The following CRYZL1 variants were observed in gnomAD, a reference collection of about 807,000 sequenced individuals.
The protein encoded by CRYZL1 is ferry endosomal RAB5 effector complex subunit 4.
CRYZL1 carries 34 observed loss-of-function variants against 50.6 expected under a neutral mutation model. The ratio of observed to expected loss-of-function variants is 0.67; its 90% CI spans 0.51 to 0.89. The LOEUF is 0.89. Among genes scored for constraint, CRYZL1 ranks in the 40% least tolerant of loss-of-function variants. The probability of loss-of-function intolerance (pLI) is 0.00; values close to 1 mark genes in which losing one functional copy is unlikely to be tolerated. For missense variants in CRYZL1, 354 were observed against 402.3 expected (o/e 0.88, Z 1.03); for synonymous variants, 125 against 134.3 (o/e 0.93, Z 0.48).
In CRYZL1 at chr21:33,605,530, C is replaced by CTTTTTTTTTTTTTTTT. The variant is rs146096008; in HGVS notation, c.332-1994_332-1993insAAAAAAAAAAAAAAAA. 2.8e-3 allele frequency among the ~76,000 whole-genome samples: 147 copies of CTTTTTTTTTTTTTTTT among 53,194 alleles called. 57 individuals carry two copies. Among genetic ancestry groups the CTTTTTTTTTTTTTTTT allele is most frequent in the African/African-American group, 7.8e-3 (96 of 12,348 alleles). 34.9% of individuals were successfully genotyped at this position (53,194 alleles called of 152,430 possible). On this transcript the variant is annotated intron_variant, in intron 6 of 12. Coordinates refer to ENST00000381554, the MANE Select transcript of CRYZL1 (RefSeq NM_145858.3). ...GTAATTTTTCCGCAGTACAAGAATT[C>CTTTTTTTTTTTTTTTT]TTTTTTTTTTGAGATGGAGTCTCAC...
In CRYZL1 at chr21:33,603,515, T is replaced by C. The variant is rs748484256; in HGVS notation, c.354A>G (p.Thr118=). Residue 118 remains threonine (T), a synonymous_variant, in exon 7 of 13, where the codon ACA becomes ACG. Coordinates refer to ENST00000381554, the MANE Select transcript of CRYZL1 (RefSeq NM_145858.3). ...GAATGCTTCCTGCTGCTTCCGTCCA[T>C]GTGACCTTTTCTGGTTTATGAACTA... The part of the protein sequence containing the change: ...HYLVHKPEKV[T]WTEAAGSIRD... The C allele has an allele frequency of 5.0e-6, 8 of 1,614,022 alleles. No individual in the cohort carries two copies. Among genetic ancestry groups the C allele is most frequent in the Admixed American group, 3.3e-5 (2 of 59,990 alleles).
At chr21:33,614,528 T>C (rs1204872200) in intron 5 of CRYZL1, among the ~76,000 whole-genome samples, 3 of 152,132 alleles carry the variant, frequency 2.0e-5, no homozygotes, top group South Asian at 2.1e-4. Context: ...CCTTGATGCA[T>C]AGCTACCTTC....
chr21:33,640,229 C>T (rs1433024927), intron 1 of CRYZL1: 13 of 1,545,712 alleles, frequency 8.4e-6, no homozygotes, highest in African/African-American at 1.4e-5. Flanking sequence ...TATTTCATTG[C>T]ACAAGGCTGG....
intron 2 of CRYZL1, among the ~76,000 whole-genome samples, chr21:33,629,869 T>G (rs1375409632): frequency 6.6e-6 from 1 of 152,236 alleles, no homozygotes; most frequent in Non-Finnish European, 1.5e-5. Flanking sequence ...GCTGCAGGTT[T>G]GTTATACATG....
At chr21:33,591,121 GA>G in intron 12 of CRYZL1, 40 bp downstream of exon 12, 2 of 1,518,956 alleles carry the variant, frequency 1.3e-6, no homozygotes, top group Non-Finnish European at 1.8e-6. Flanking sequence ...CCTGAAAATA[GA>G]AAAACAAACA....
rs572847735 is a variant in CRYZL1 at position 33,592,965 on chromosome 21, T to C, written c.905-1758A>G. 2.8e-4 allele frequency among the ~76,000 whole-genome samples: 42 copies of C among 151,706 alleles called. 1 individual carries two copies. In the South Asian group the frequency reaches 8.6e-3, roughly 31 times the overall value. ...TACTTGGGAGGCTGAGACAGGAGAA[T>C]TGCTTGAACCTGGGAGGCAGAGGTT... On this transcript the variant is annotated intron_variant, in intron 11 of 12. Transcript: ENST00000381554.
chr21:33,590,058 T>C (rs1352046401), intron 12 of CRYZL1, 137 bp from the exon 13 acceptor site: 2 of 571,664 alleles, frequency 3.5e-6, no homozygotes, highest in African/African-American at 1.9e-5. Flanking sequence ...GGCTCTCTCA[T>C]CCAGGCTGGA....
chr21:33,594,442 G>A (rs923103188), intron 11 of CRYZL1: 2 of 151,844 alleles, frequency 1.3e-5, no homozygotes, highest in African/African-American at 2.4e-5. Flanking sequence ...TTACAGGCAT[G>A]AGCCACTGTG....
Position 33,616,766 on chromosome 21 carries a change from A to C in CRYZL1, c.218-16T>G. ...TTGCTTCCAACTAAAGAGTGAAGAA[A>C]ATTAATAGTTAATATTACAAGTTTA... On this transcript the variant is annotated splice_polypyrimidine_tract_variant and intron_variant, in intron 4 of 12. Coordinates refer to ENST00000381554, the MANE Select transcript of CRYZL1 (RefSeq NM_145858.3). 1 of 1,577,254 alleles carries C rather than the reference A, an allele frequency of 6.3e-7. No homozygotes were observed. The highest frequency in any genetic ancestry group is 8.6e-7 in the Non-Finnish European group (1 of 1,157,528).
chr21:33,603,636 GT>G, intron 6 of CRYZL1, 99 bp from the exon 7 acceptor site: 1 of 1,366,932 alleles, frequency 7.3e-7, no homozygotes. Flanking sequence ...TATGGCCCTG[GT>G]CCAAGCCCCT....
At chr21:33,638,877 G>A (rs868009455) in intron 1 of CRYZL1, among the ~76,000 whole-genome samples, 25 of 152,300 alleles carry the variant, frequency 1.6e-4, no homozygotes, top group South Asian at 6.2e-4. Context: ...TATTACACAG[G>A]CTTCATAAAG....
chr21:33,631,399 T>C, intron 2 of CRYZL1, 87 bp downstream of exon 2: 1 of 920,450 alleles, frequency 1.1e-6, no homozygotes. Flanking sequence ...GTTCATTAAG[T>C]CTCACTGAAA....
intron 6 of CRYZL1, among the ~76,000 whole-genome samples, chr21:33,613,310 A>C (rs1046776120): frequency 2.0e-5 from 3 of 152,220 alleles, no homozygotes; most frequent in Admixed American, 2.0e-4. Flanking sequence ...GTGTTAGTAA[A>C]ACTTAAAGGT....
chr21:33,641,397 G>T (rs2087330364), intron 1 of CRYZL1: 2 of 1,437,126 alleles, frequency 1.4e-6, no homozygotes, highest in African/African-American at 2.8e-5. Context: ...TTAAGTGGAA[G>T]GGCACTCCCA....
chr21:33,630,803 C>T (rs911598018), intron 2 of CRYZL1, among the ~76,000 whole-genome samples: 2 of 152,146 alleles, frequency 1.3e-5, no homozygotes, highest in Non-Finnish European at 2.9e-5. Flanking sequence ...CAACAGAATA[C>T]TATTCAGCCA....
chr21:33,629,397 G>C (rs940271730), intron 2 of CRYZL1, among the ~76,000 whole-genome samples: 2 of 152,158 alleles, frequency 1.3e-5, no homozygotes, highest in Non-Finnish European at 2.9e-5. Context: ...GAGTAACTGG[G>C]ACTAGAGGCG....
chr21:33,598,118 T>TAATG (rs1438941841), intron 9 of CRYZL1, among the ~76,000 whole-genome samples: 2 of 152,182 alleles, frequency 1.3e-5, no homozygotes, highest in East Asian at 3.8e-4. Context: ...CCAGGCAAAG[T>TAATG]AATGTAACAC....
At chr21:33,638,372 C>G (rs1009099886) in intron 1 of CRYZL1, among the ~76,000 whole-genome samples, 1 of 152,036 alleles carries the variant, frequency 6.6e-6, no homozygotes, top group Non-Finnish European at 1.5e-5. Context: ...GCTACCACAC[C>G]CAGCTAATTT....
Position 33,621,998 on chromosome 21 carries a change from T to C in CRYZL1, c.215A>G (p.Asp72Gly), listed in dbSNP as rs1039788469. The C allele has an allele frequency of 1.3e-6, 2 of 1,598,584 alleles. No homozygotes were observed. The highest frequency in any genetic ancestry group is 3.3e-5 in the Admixed American group (2 of 59,964). The change falls in exon 4 of 13, where the codon GAT becomes GGT. Residue 72 changes from aspartate (D) to glycine (G), a missense_variant and splice_region_variant. Coordinates refer to ENST00000381554, the MANE Select transcript of CRYZL1 (RefSeq NM_145858.3). ...TATACTCACATCTGTATACTTACCA[T>C]CTAATACAATTCCAGCAATTTCTCT... Reference protein sequence around the residue: ...VGREIAGIVLDVGSKVSFFQP... With the variant: ...VGREIAGIVLGVGSKVSFFQP...
Sources: gnomAD v4.1 joint callset for allele counts (sites outside exome capture counted in the v4.1 genomes callset) on GRCh38, gnomAD v4.1.1 for gene constraint, MANE v1.5 for transcripts, NCBI Gene and HGNC (gene_info 2026-07-23, HGNC 2026-07-21) for gene names.